The following CDH12 variants were observed in gnomAD, a reference collection of about 807,000 sequenced individuals.
The protein encoded by CDH12 is cadherin 12, also known as cadherin-12.
In CDH12, 41 loss-of-function variants were observed where a neutral mutation model predicts 74.1. The observed-to-expected ratio is 0.55, with a 90% CI of 0.43 to 0.72. The LOEUF (loss-of-function observed/expected upper bound fraction) is 0.72, where lower values mean the gene tolerates loss of function less well. Among genes scored for constraint, CDH12 ranks in the 30% least tolerant of loss-of-function variants. The pLI is 0.00. For synonymous variants in CDH12, 399 were observed against 355.0 expected (o/e 1.12, Z -1.39); for missense variants, 945 against 977.2 (o/e 0.97, Z 0.44).
intron 4 of CDH12, among the ~76,000 whole-genome samples, chr5:22,141,793 A>G (rs1429103950): frequency 6.6e-6 from 1 of 152,192 alleles, no homozygotes; most frequent in Non-Finnish European, 1.5e-5. Flanking sequence ...AAAATATAAG[A>G]GGAAAAGCAA....
intron 5 of CDH12, among the ~76,000 whole-genome samples, chr5:22,069,554 C>A (rs1469345361): frequency 6.6e-6 from 1 of 152,102 alleles, no homozygotes; most frequent in Non-Finnish European, 1.5e-5. Flanking sequence ...CTATGCAGGT[C>A]TAGAGGTCTT....
chr5:22,452,996 T>A (rs1745116188), intron 2 of CDH12, among the ~76,000 whole-genome samples: 1 of 151,320 alleles, frequency 6.6e-6, no homozygotes, highest in South Asian at 2.1e-4. Flanking sequence ...TTCAACATCA[T>A]TATTAATCAC....
chr5:22,651,631 T>C (rs1009387917), intron 1 of CDH12, among the ~76,000 whole-genome samples: 2 of 151,980 alleles, frequency 1.3e-5, no homozygotes, highest in South Asian at 4.2e-4. Context: ...AGGATTACAA[T>C]TCAAGATAAG....
intron 1 of CDH12, among the ~76,000 whole-genome samples, chr5:22,781,720 C>A (rs1747393604): frequency 6.6e-6 from 1 of 152,214 alleles, no homozygotes; most frequent in South Asian, 2.1e-4. Context: ...GGCCAGAATG[C>A]ACTTCCCATG....
intron 6 of CDH12, among the ~76,000 whole-genome samples, chr5:21,875,385 G>A (rs888271516): frequency 6.6e-6 from 1 of 152,108 alleles, no homozygotes; most frequent in African/African-American, 2.4e-5. Context: ...TTAATAACTG[G>A]CACTTAGTGA....
chr5:22,642,655 A>C (rs1250418318), intron 1 of CDH12, among the ~76,000 whole-genome samples: 1 of 152,110 alleles, frequency 6.6e-6, no homozygotes, highest in Non-Finnish European at 1.5e-5. Flanking sequence ...CGACAATTTG[A>C]CCATTTTGTT....
At chr5:22,745,872 T>A (rs546244948) in intron 1 of CDH12, among the ~76,000 whole-genome samples, 1 of 152,136 alleles carries the variant, frequency 6.6e-6, no homozygotes, top group Non-Finnish European at 1.5e-5. Context: ...TGACACATGT[T>A]TATCTATGTA....
At chr5:21,770,705 A>G (rs1246383672) in intron 11 of CDH12, among the ~76,000 whole-genome samples, 1 of 152,104 alleles carries the variant, frequency 6.6e-6, no homozygotes, top group Non-Finnish European at 1.5e-5. Flanking sequence ...CAATCCCGTT[A>G]TTGGGTGCAT....
intron 1 of CDH12, among the ~76,000 whole-genome samples, chr5:22,560,669 T>TA (rs779653238): frequency 1.3e-5 from 2 of 152,082 alleles, no homozygotes; most frequent in Non-Finnish European, 2.9e-5. Flanking sequence ...AGAATTGTCT[T>TA]AAAGTAAGGA....
rs1273723305 is a variant in CDH12 at position 22,803,536 on chromosome 5, T to C, written c.-523+49522A>G. On this transcript the variant is annotated intron_variant, in intron 1 of 14. Transcript: ENST00000382254. ...ACTCCAAGTTTTTGGTGCTTAACTG[T>C]TGGGAGCTTTTAAGCCTCCTCCCTC... Among the ~76,000 whole-genome samples the C allele has an allele frequency of 2.0e-5, 3 of 152,182 alleles. No individual in the cohort carries two copies. In the East Asian group the frequency reaches 5.8e-4, roughly 29 times the overall value.
At chr5:21,800,641 T>C (rs1349904108) in intron 10 of CDH12, among the ~76,000 whole-genome samples, 1 of 152,178 alleles carries the variant, frequency 6.6e-6, no homozygotes, top group Non-Finnish European at 1.5e-5. Flanking sequence ...CAGAACTGTG[T>C]TTGTTACTTA....
intron 5 of CDH12, among the ~76,000 whole-genome samples, chr5:21,977,368 C>G (rs1461335635): frequency 1.3e-5 from 2 of 151,908 alleles, no homozygotes; most frequent in Non-Finnish European, 2.9e-5. Context: ...AAATTTCAAC[C>G]ATGCTATTAA....
intron 6 of CDH12, among the ~76,000 whole-genome samples, chr5:21,942,387 CACAT>C (rs1412399726): frequency 4.4e-4 from 60 of 135,016 alleles, no homozygotes; most frequent in Non-Finnish European, 5.1e-4. Context: ...CACACACACA[CACAT>C]ATATATGTGT....
rs559512537 is a variant in CDH12 at position 21,955,749 on chromosome 5, C to G, written c.526+19342G>C. ...TCAGCATAAGGTGAACCAGACAGAC[C>G]TAAAGCAGTGGTAGCTTGGATCCAC... On this transcript the variant is annotated intron_variant, in intron 6 of 14. Transcript: ENST00000382254. 3.9e-5 allele frequency among the ~76,000 whole-genome samples: 6 copies of G among 152,104 alleles called. No individual in the cohort carries two copies. In the South Asian group the frequency reaches 1.2e-3, roughly 32 times the overall value.
chr5:22,381,518 T>G (rs1741757565), intron 3 of CDH12, among the ~76,000 whole-genome samples: 1 of 152,044 alleles, frequency 6.6e-6, no homozygotes, highest in Non-Finnish European at 1.5e-5. Flanking sequence ...TTTTCTTTAA[T>G]GCTTTATTCC....
intron 1 of CDH12, among the ~76,000 whole-genome samples, chr5:22,658,769 A>C (rs1261150860): frequency 6.6e-6 from 1 of 152,162 alleles, no homozygotes; most frequent in Non-Finnish European, 1.5e-5. Context: ...GATCTGGTGA[A>C]TAAGTCAGAG....
At chr5:22,796,703 G>A (rs1561037470) in intron 1 of CDH12, among the ~76,000 whole-genome samples, 1 of 126,078 alleles carries the variant, frequency 7.9e-6, no homozygotes, top group Non-Finnish European at 1.6e-5. Flanking sequence ...TGTATTTTTA[G>A]TAGAGACGGG....
At chr5:22,150,271 A>T (rs1468049678) in intron 4 of CDH12, among the ~76,000 whole-genome samples, 1 of 152,048 alleles carries the variant, frequency 6.6e-6, no homozygotes, top group African/African-American at 2.4e-5. Context: ...AATTATTCAC[A>T]AAGTGAGTTA....
chr5:22,237,276 C>T (rs1752591333), intron 3 of CDH12, among the ~76,000 whole-genome samples: 1 of 152,088 alleles, frequency 6.6e-6, no homozygotes, highest in African/African-American at 2.4e-5. Flanking sequence ...GACAGTATTG[C>T]CTTTGAGGAA....
Sources: gnomAD v4.1 joint callset for allele counts (sites outside exome capture counted in the v4.1 genomes callset) on GRCh38, gnomAD v4.1.1 for gene constraint, MANE v1.5 for transcripts, NCBI Gene and HGNC (gene_info 2026-07-23, HGNC 2026-07-21) for gene names.